Variants in LDB2 observed in about 807,000 individuals in gnomAD.
LDB2 encodes LIM domain-binding protein 2.
In LDB2, 12 loss-of-function variants were observed where a neutral mutation model predicts 44.3. That is an observed-to-expected ratio of 0.27 (90% CI 0.17 to 0.44). The LOEUF is 0.44. Ranked by LOEUF, LDB2 falls within the 20% of genes least tolerant of loss-of-function variation. The probability of loss-of-function intolerance (pLI) is 1.00; values close to 1 mark genes in which losing one functional copy is unlikely to be tolerated. For missense variants in LDB2, 344 were observed against 473.5 expected (o/e 0.73, Z 2.54); for synonymous variants, 164 against 174.8 (o/e 0.94, Z 0.49).
chr4:16,600,076 G>A (rs1722152643), intron 2 of LDB2, among the ~76,000 whole-genome samples: 5 of 152,148 alleles, frequency 3.3e-5, no homozygotes, highest in Admixed American at 2.6e-4. Flanking sequence ...AGATGAGCAT[G>A]TTCTTTTACT....
At chr4:16,820,802 G>A (rs1258613212) in intron 1 of LDB2, among the ~76,000 whole-genome samples, 1 of 152,052 alleles carries the variant, frequency 6.6e-6, no homozygotes. Flanking sequence ...TTTCTGCACA[G>A]TACATACTCA....
intron 2 of LDB2, among the ~76,000 whole-genome samples, chr4:16,676,132 G>A (rs1746258963): frequency 2.6e-5 from 4 of 152,176 alleles, no homozygotes; most frequent in African/African-American, 9.7e-5. Context: ...CCCACCGCAG[G>A]GCGTGGAGGA....
chr4:16,805,006 G>A (rs533843588), intron 1 of LDB2, among the ~76,000 whole-genome samples: 45 of 152,140 alleles, frequency 3.0e-4, no homozygotes, highest in Middle Eastern at 3.4e-3. Flanking sequence ...CCTTCTCTCT[G>A]TGTATTCATA....
chr4:16,851,181 T>A (rs1046447236), intron 1 of LDB2, among the ~76,000 whole-genome samples: 2 of 151,938 alleles, frequency 1.3e-5, no homozygotes, highest in Non-Finnish European at 1.5e-5. Flanking sequence ...TACTCCACCA[T>A]AACCAACTTC....
chr4:16,887,029 T>C (rs1580498175), intron 1 of LDB2, among the ~76,000 whole-genome samples: 1 of 67,526 alleles, frequency 1.5e-5, no homozygotes, highest in South Asian at 5.7e-4. Flanking sequence ...CGAAACTCCG[T>C]CTCAAAAAAA....
At chr4:16,589,239 A>G (rs563912110) in intron 3 of LDB2, among the ~76,000 whole-genome samples, 1 of 152,336 alleles carries the variant, frequency 6.6e-6, no homozygotes, top group South Asian at 2.1e-4. Context: ...AGGACAAAGT[A>G]CCCAATAAAC....
chr4:16,533,747 G>T lies in LDB2; in HGVS notation c.616-21643C>A, dbSNP rs958788464. On this transcript the variant is annotated intron_variant, in intron 5 of 7. Transcript: ENST00000304523. The surrounding 1 kb of genome is among the most constrained non-coding windows in gnomAD (Gnocchi z 4.1). Reference sequence around the variant, plus strand: ...CCCTCCAGTAAAATTCCATTTTGGGGTTGCATAAAAACAACAATTCCTGGA... The same window carrying T: ...CCCTCCAGTAAAATTCCATTTTGGGTTTGCATAAAAACAACAATTCCTGGA... 4.6e-5 allele frequency among the ~76,000 whole-genome samples: 7 copies of T among 152,092 alleles called. No individual in the cohort carries two copies. The highest frequency in any genetic ancestry group is 7.3e-5 in the Non-Finnish European group (5 of 68,032).
rs75006168 is a variant in LDB2, at chr4:16,768,843, T to C, written c.133-9583A>G. On this transcript the variant is annotated intron_variant, in intron 1 of 7. Coordinates refer to ENST00000304523, the MANE Select transcript of LDB2 (RefSeq NM_001290.5). ...AAAACCTCACCATGACCCTATAATATAAGTAGCATTATTAACCCCATCTTA... is the reference window on the plus strand; with the variant it reads ...AAAACCTCACCATGACCCTATAATACAAGTAGCATTATTAACCCCATCTTA... Among the ~76,000 whole-genome samples, 224 of 152,242 alleles carry C rather than the reference T, an allele frequency of 1.5e-3. 2 individuals are homozygous for C. Among genetic ancestry groups the C allele is most frequent in the African/African-American group, 5.1e-3 (211 of 41,526 alleles).
In LDB2 at chr4:16,618,106, C is replaced by T. The variant is rs192011737; in HGVS notation, c.236-22231G>A. Among the ~76,000 whole-genome samples, 174 of 152,304 alleles carry T rather than the reference C, an allele frequency of 1.1e-3. 2 individuals are homozygous for T. The highest frequency in any genetic ancestry group is 0.011 in the Admixed American group (169 of 15,306). ...CACCTCCTGCAAATTCCATTAACTA[C>T]GTACACTTGTCTATTACAGCATTTT... On this transcript the variant is annotated intron_variant, in intron 2 of 7. Transcript: ENST00000304523.
intron 7 of LDB2, among the ~76,000 whole-genome samples, chr4:16,504,591 G>A (rs940165725): frequency 1.3e-5 from 2 of 152,188 alleles, no homozygotes; most frequent in Admixed American, 6.5e-5. Flanking sequence ...GACATGGAAC[G>A]AGACTCATGA....
chr4:16,720,899 A>G (rs1257363791), intron 2 of LDB2, among the ~76,000 whole-genome samples: 2 of 152,164 alleles, frequency 1.3e-5, no homozygotes, highest in Non-Finnish European at 2.9e-5. Context: ...TTTTCTAAGC[A>G]CAAGAGCAGT....
intron 1 of LDB2, among the ~76,000 whole-genome samples, chr4:16,863,656 C>CTTTTTTTTTTTTT (rs143950913): frequency 1.1e-5 from 1 of 91,956 alleles, no homozygotes; most frequent in Non-Finnish European, 1.9e-5. Flanking sequence ...CTCACATTCT[C>CTTTTTTTTTTTTT]TTTTTTTTTT....
intron 1 of LDB2, among the ~76,000 whole-genome samples, chr4:16,847,990 T>A (rs1171522377): frequency 6.6e-6 from 1 of 152,276 alleles, no homozygotes; most frequent in East Asian, 1.9e-4. Context: ...AAATGTAAAA[T>A]ACATAGAGTC....
At chr4:16,676,910 G>A (rs142045230) in intron 2 of LDB2, among the ~76,000 whole-genome samples, 3 of 152,294 alleles carry the variant, frequency 2.0e-5, no homozygotes, top group African/African-American at 7.2e-5. Flanking sequence ...GGGCAGAGGT[G>A]GGAACAGTCA....
chr4:16,778,219 G>A (rs1006032198), intron 1 of LDB2, among the ~76,000 whole-genome samples: 10 of 152,152 alleles, frequency 6.6e-5, no homozygotes, highest in African/African-American at 2.2e-4. Context: ...TCTTGGGAAT[G>A]TCTCCAAGAA....
intron 2 of LDB2, among the ~76,000 whole-genome samples, chr4:16,674,804 CACAT>C (rs1460930944): frequency 1.3e-5 from 2 of 152,056 alleles, no homozygotes; most frequent in African/African-American, 4.8e-5. Flanking sequence ...CACACACACA[CACAT>C]ATACACAGAC....
chr4:16,591,204 G>A (rs966207163), intron 3 of LDB2, among the ~76,000 whole-genome samples: 1 of 152,174 alleles, frequency 6.6e-6, no homozygotes, highest in Non-Finnish European at 1.5e-5. Flanking sequence ...CAAACGCAGG[G>A]CAGGTGAAGG....
At chr4:16,779,476 G>A (rs1345898532) in intron 1 of LDB2, among the ~76,000 whole-genome samples, 1 of 152,186 alleles carries the variant, frequency 6.6e-6, no homozygotes, top group Non-Finnish European at 1.5e-5. Context: ...TGGCTCTGCT[G>A]TTAGCCCCAC....
chr4:16,876,734 G>C (rs1350280090), intron 1 of LDB2, among the ~76,000 whole-genome samples: 1 of 151,880 alleles, frequency 6.6e-6, no homozygotes, highest in Non-Finnish European at 1.5e-5. Context: ...AGGGGAAAAA[G>C]CATTAAACTG....
Sources: allele counts gnomAD v4.1 joint callset (sites outside exome capture counted in the v4.1 genomes callset), GRCh38; gene constraint gnomAD v4.1.1; non-coding constraint Gnocchi (gnomAD v3.1); transcripts MANE v1.5; gene names NCBI Gene and HGNC (gene_info 2026-07-23, HGNC 2026-07-21).